The following NCKAP5 variants were observed in gnomAD, a reference collection of about 807,000 sequenced individuals.
NCKAP5 encodes nck-associated protein 5.
NCKAP5 carries 92 observed loss-of-function variants against 167.0 expected under a neutral mutation model. The ratio of observed to expected loss-of-function variants is 0.55; its 90% CI spans 0.47 to 0.66. The LOEUF (loss-of-function observed/expected upper bound fraction) is 0.66. NCKAP5 is among the 30% of genes least tolerant of loss of function. The pLI, the probability that NCKAP5 is intolerant of heterozygous loss-of-function variation, is 0.00. For synonymous variants in NCKAP5, 891 were observed against 877.4 expected (o/e 1.02, Z -0.27); for missense variants, 2,378 against 2,315.0 (o/e 1.03, Z -0.56).
chr2:132,999,262 A>T (rs2077702139), intron 6 of NCKAP5, among the ~76,000 whole-genome samples: 1 of 152,198 alleles, frequency 6.6e-6, no homozygotes, highest in Non-Finnish European at 1.5e-5. Context: ...GAGAAGCAAA[A>T]ACCTTGCTTA....
In NCKAP5 at chr2:133,035,508, C is replaced by T. The variant is rs939327983; in HGVS notation, c.342-41269G>A. Among the ~76,000 whole-genome samples the T allele has an allele frequency of 6.6e-5, 10 of 151,962 alleles. No homozygotes were observed. In the East Asian group the frequency reaches 9.6e-4, roughly 15 times the overall value. On this transcript the variant is annotated intron_variant, in intron 6 of 19. Coordinates refer to ENST00000409261, the MANE Select transcript of NCKAP5 (RefSeq NM_207363.3). ...ACTCTCAAGGACAGCCCATATGTTACGTAACAAAACAAGTCTGAAAACACT... is the reference window on the plus strand; with the variant it reads ...ACTCTCAAGGACAGCCCATATGTTATGTAACAAAACAAGTCTGAAAACACT...
chr2:132,700,583 T>A (rs1193210097), intron 19 of NCKAP5, among the ~76,000 whole-genome samples: 1 of 152,204 alleles, frequency 6.6e-6, no homozygotes, highest in African/African-American at 2.4e-5. Flanking sequence ...AAATCGGGAA[T>A]CCTTTCCCCA....
intron 6 of NCKAP5, among the ~76,000 whole-genome samples, chr2:133,085,143 A>T (rs188818994): frequency 6.6e-6 from 1 of 152,268 alleles, no homozygotes. Context: ...TTACCCTTGG[A>T]TTAGGAAAAT....
At chr2:132,912,920 A>G (rs1285275020) in intron 8 of NCKAP5, among the ~76,000 whole-genome samples, 3 of 152,176 alleles carry the variant, frequency 2.0e-5, no homozygotes, top group African/African-American at 7.2e-5. Flanking sequence ...TTTCTATATC[A>G]ACAACTTCAC....
At chr2:133,526,709 C>CTCTT (rs1017014187) in intron 2 of NCKAP5, among the ~76,000 whole-genome samples, 6 of 152,168 alleles carry the variant, frequency 3.9e-5, no homozygotes, top group Admixed American at 3.9e-4. Context: ...TGCACCACCA[C>CTCTT]TCTTTCTTTC....
At chr2:132,878,654 A>G (rs1691502189) in intron 9 of NCKAP5, among the ~76,000 whole-genome samples, 194 bp downstream of exon 9, 1 of 47,906 alleles carries the variant, frequency 2.1e-5, no homozygotes, top group South Asian at 6.3e-4. Context: ...ACACACACAC[A>G]CGCACGCATA....
intron 6 of NCKAP5, among the ~76,000 whole-genome samples, chr2:132,997,673 G>A (rs957772723): frequency 5.9e-5 from 9 of 151,876 alleles, no homozygotes; most frequent in African/African-American, 1.5e-4. Context: ...TCAGGAAAAT[G>A]GTTTTAAATG....
the NCKAP5 span, among the ~76,000 whole-genome samples, chr2:133,653,104 G>T: frequency 2.0e-5 from 3 of 152,282 alleles, no homozygotes; most frequent in South Asian, 6.2e-4. Flanking sequence ...TCCATGACCT[G>T]TCCTGAGGAT....
intron 19 of NCKAP5, chr2:132,714,910 G>C: frequency 2.2e-6 from 1 of 456,266 alleles, no homozygotes; most frequent in Non-Finnish European, 4.4e-6. Flanking sequence ...CCCAGCCAAA[G>C]GGCTCATGGC....
At chr2:133,502,665 T>G (rs753953347) in intron 3 of NCKAP5, among the ~76,000 whole-genome samples, 3 of 152,224 alleles carry the variant, frequency 2.0e-5, no homozygotes, top group Non-Finnish European at 2.9e-5. Context: ...CGTGAGCCTC[T>G]GTGCCTTCCA....
At chr2:133,141,597 C>T (rs561106947) in intron 5 of NCKAP5, among the ~76,000 whole-genome samples, 82 of 152,276 alleles carry the variant, frequency 5.4e-4, no homozygotes, top group African/African-American at 1.8e-3. Flanking sequence ...GTACAAGGTA[C>T]TACTGAAGCT....
intron 9 of NCKAP5, among the ~76,000 whole-genome samples, chr2:132,872,086 C>A (rs1690868804): frequency 6.6e-6 from 1 of 152,222 alleles, no homozygotes; most frequent in South Asian, 2.1e-4. Context: ...GCCAGCTTTC[C>A]TCTCCAGAGA....
At position 132,812,074 on chromosome 2, in the gene NCKAP5, A is replaced by G. The variant is rs564274818; in HGVS notation, c.808-15345T>C. Among the ~76,000 whole-genome samples the G allele has an allele frequency of 1.4e-3, 215 of 152,294 alleles. 1 individual carries two copies. Among genetic ancestry groups the G allele is most frequent in the African/African-American group, 4.9e-3 (204 of 41,566 alleles). On this transcript the variant is annotated intron_variant, in intron 11 of 19. Transcript: ENST00000409261. The stretch of plus-strand genomic sequence containing the variant: ...GTGGTGGTGTGTGTTTGGGAGAGGA[A>G]GGTCTCCCTTTCCCACTTCCGCAGT...
intron 4 of NCKAP5, among the ~76,000 whole-genome samples, chr2:133,214,702 A>G (rs1449222132): frequency 1.3e-5 from 2 of 152,142 alleles, no homozygotes; most frequent in African/African-American, 4.8e-5. Flanking sequence ...TTCTTCTGGT[A>G]ATCCCTAAAA....
At chr2:133,429,222 T>C (rs556533929) in intron 3 of NCKAP5, among the ~76,000 whole-genome samples, 22 of 152,262 alleles carry the variant, frequency 1.4e-4, no homozygotes, top group Admixed American at 1.0e-3. Context: ...TGATAAGATG[T>C]TATGTTAAAA....
intron 7 of NCKAP5, among the ~76,000 whole-genome samples, chr2:132,972,609 C>G (rs2076867362): frequency 6.6e-6 from 1 of 152,074 alleles, no homozygotes. Context: ...CACCTGTAAT[C>G]CCAGCACTTT....
intron 5 of NCKAP5, among the ~76,000 whole-genome samples, chr2:133,170,841 T>G (rs574421206): frequency 7.9e-5 from 12 of 152,176 alleles, no homozygotes; most frequent in Non-Finnish European, 1.6e-4. Flanking sequence ...TTTATCAGCA[T>G]AGCCTACATG....
At chr2:133,124,021 C>T (rs1373415380) in intron 6 of NCKAP5, among the ~76,000 whole-genome samples, 1 of 152,180 alleles carries the variant, frequency 6.6e-6, no homozygotes, top group African/African-American at 2.4e-5. Context: ...AGCGGTAAAA[C>T]CATCTCCATT....
At chr2:133,392,649 A>C (rs1467241880) in intron 3 of NCKAP5, among the ~76,000 whole-genome samples, 3 of 152,196 alleles carry the variant, frequency 2.0e-5, no homozygotes, top group Non-Finnish European at 4.4e-5. Flanking sequence ...TTATGGAATA[A>C]ATAAATGGAG....
Sources: gnomAD v4.1 joint callset for allele counts (sites outside exome capture counted in the v4.1 genomes callset) on GRCh38, gnomAD v4.1.1 for gene constraint, MANE v1.5 for transcripts, NCBI Gene and HGNC (gene_info 2026-07-23, HGNC 2026-07-21) for gene names.